GPM6B: variants seen among roughly 807,000 people sequenced by gnomAD.
GPM6B encodes the protein glycoprotein M6B, also known as neuronal membrane glycoprotein M6-b.
In GPM6B, 4 loss-of-function variants were observed where a neutral mutation model predicts 27.2. The ratio of observed to expected loss-of-function variants is 0.15; its 90% CI spans 0.07 to 0.34. The LOEUF is 0.34. Ranked by LOEUF, GPM6B falls within the 10% of genes least tolerant of loss-of-function variation. GPM6B has a pLI of 1.00. For synonymous variants in GPM6B, 124 were observed against 103.1 expected (o/e 1.20, Z -1.23); for missense variants, 183 against 261.9 (o/e 0.70, Z 2.08).
chrX:13,793,084 A>G (rs2048744671), intron 2 of GPM6B, among the ~76,000 whole-genome samples: 1 of 109,368 alleles, frequency 9.1e-6, no homozygotes, highest in African/African-American at 3.3e-5. Flanking sequence ...GGAAAAGCCA[A>G]CCAGCATTAA....
chrX:13,791,832 G>A, intron 2 of GPM6B, among the ~76,000 whole-genome samples: 1 of 110,557 alleles, frequency 9.0e-6, no homozygotes, highest in Middle Eastern at 4.6e-3. Flanking sequence ...CAGACGTAGG[G>A]CTGGCAGGAA....
At chrX:13,890,011 C>A (rs1227650094) in intron 1 of GPM6B, among the ~76,000 whole-genome samples, 1 of 111,416 alleles carries the variant, frequency 9.0e-6, no homozygotes, top group Non-Finnish European at 1.9e-5. Context: ...TGAACCAGAG[C>A]AACTCCATCT....
At chrX:13,786,808 C>G (rs1409523643) in intron 2 of GPM6B, among the ~76,000 whole-genome samples, 4 of 110,632 alleles carry the variant, frequency 3.6e-5, no homozygotes, top group African/African-American at 1.3e-4. Flanking sequence ...CCATAAAGAC[C>G]TGCCTCAGGG....
At chrX:13,780,723 T>TC (rs1321218552) in intron 4 of GPM6B, among the ~76,000 whole-genome samples, 1 of 111,761 alleles carries the variant, frequency 8.9e-6, no homozygotes, top group Non-Finnish European at 1.9e-5. Flanking sequence ...AAGAATAGAA[T>TC]CCCGTTGCTT....
chrX:13,894,589 T>TA (rs1350191395), intron 1 of GPM6B, among the ~76,000 whole-genome samples: 4 of 112,404 alleles, frequency 3.6e-5, no homozygotes, highest in Non-Finnish European at 7.5e-5. Flanking sequence ...CAGGCTGAGG[T>TA]ATTTTATTGT....
intron 1 of GPM6B, among the ~76,000 whole-genome samples, chrX:13,844,986 CT>C (rs200629548): frequency 1.0e-5 from 1 of 98,230 alleles, no homozygotes; most frequent in African/African-American, 3.8e-5. Flanking sequence ...AACGTTTTTT[CT>C]TTTTCTTTTT....
intron 1 of GPM6B, among the ~76,000 whole-genome samples, chrX:13,927,676 C>G (rs36016590): frequency 0.42 from 46,594 of 111,385 alleles, 8,081 homozygotes; most frequent in Non-Finnish European, 0.55. Flanking sequence ...GGAGGCAGGC[C>G]TCAACATCTA....
intron 1 of GPM6B, among the ~76,000 whole-genome samples, chrX:13,856,180 T>C (rs1213220308): frequency 8.9e-6 from 1 of 112,197 alleles, no homozygotes; most frequent in Non-Finnish European, 1.9e-5. Context: ...GGTTGAACAA[T>C]TGCAGCTTTT....
chrX:13,903,497 C>T (rs1331799105), intron 1 of GPM6B, among the ~76,000 whole-genome samples: 1 of 112,090 alleles, frequency 8.9e-6, no homozygotes, highest in Admixed American at 9.4e-5. Flanking sequence ...ACATAGTTAG[C>T]AGAATAAACA....
chrX:13,821,600 T>G (rs1291209303), upstream of GPM6B, among the ~76,000 whole-genome samples: 1 of 112,222 alleles, frequency 8.9e-6, no homozygotes, highest in Non-Finnish European at 1.9e-5. Flanking sequence ...ACTTTTTTTT[T>G]CTTTTTCTTT....
chrX:13,852,540 C>T (rs576098268), intron 1 of GPM6B, among the ~76,000 whole-genome samples: 6 of 111,276 alleles, frequency 5.4e-5, no homozygotes, highest in African/African-American at 1.3e-4. Context: ...ACACACCCTT[C>T]GCCCAGAAAA....
intron 1 of GPM6B, among the ~76,000 whole-genome samples, chrX:13,851,064 G>A (rs2049710706): frequency 9.3e-6 from 1 of 107,374 alleles, no homozygotes; most frequent in Non-Finnish European, 1.9e-5. Context: ...TCGGGAGGCT[G>A]AGGCAGGAGA....
At chrX:13,812,274 C>T (rs2049151216) in intron 1 of GPM6B, among the ~76,000 whole-genome samples, 1 of 110,306 alleles carries the variant, frequency 9.1e-6, no homozygotes, top group African/African-American at 3.3e-5. Context: ...AGGATGGTCT[C>T]GATCTCTTGA....
chrX:13,832,860 A>C (rs1174599443), intron 1 of GPM6B, among the ~76,000 whole-genome samples: 1 of 112,009 alleles, frequency 8.9e-6, no homozygotes, highest in Non-Finnish European at 1.9e-5. Context: ...AATGAAGAGT[A>C]AATCTCAGTG....
chrX:13,920,266 C>CAAAAAAA (rs144988935), intron 1 of GPM6B, among the ~76,000 whole-genome samples: 3 of 22,282 alleles, frequency 1.3e-4, no homozygotes, highest in African/African-American at 3.7e-4. Context: ...GACTCTGTCT[C>CAAAAAAA]AAAAAAAAAA....
At chrX:13,938,463 G>T (rs769687241), upstream of GPM6B, 1 of 887,412 alleles carries the variant, frequency 1.1e-6, no homozygotes, top group Non-Finnish European at 1.4e-6. Flanking sequence ...CGGGGCGGGG[G>T]CGCGAGACCG....
intron 1 of GPM6B, among the ~76,000 whole-genome samples, chrX:13,865,089 A>C (rs1431531225): frequency 1.8e-5 from 2 of 111,440 alleles, no homozygotes; most frequent in African/African-American, 6.5e-5. Flanking sequence ...CAGGTAACTG[A>C]CACCATGGAG....
At chrX:13,828,780 G>A (rs1288448559) in intron 1 of GPM6B, among the ~76,000 whole-genome samples, 2 of 111,795 alleles carry the variant, frequency 1.8e-5, no homozygotes, top group Non-Finnish European at 3.8e-5. Flanking sequence ...AAAGCTGAGG[G>A]TCTCCTCAGC....
chrX:13,856,945 G>C (rs750016641), intron 1 of GPM6B, among the ~76,000 whole-genome samples: 1 of 111,500 alleles, frequency 9.0e-6, no homozygotes, highest in East Asian at 2.8e-4. Context: ...AGCTCTAAAG[G>C]AGAATCCATT....
Sources: gnomAD v4.1 joint callset for allele counts (sites outside exome capture counted in the v4.1 genomes callset) on GRCh38, gnomAD v4.1.1 for gene constraint, MANE v1.5 for transcripts, NCBI Gene and HGNC (gene_info 2026-07-23, HGNC 2026-07-21) for gene names.